Variants in ERBB4 observed in about 807,000 individuals in gnomAD.
ERBB4 encodes erb-b2 receptor tyrosine kinase 4, also known as receptor tyrosine-protein kinase erbB-4.
In ERBB4, 42 loss-of-function variants were observed where a neutral mutation model predicts 158.0. The observed-to-expected ratio is 0.27, with a 90% CI of 0.21 to 0.34. ERBB4 has a LOEUF of 0.34. ERBB4 is among the 10% of genes least tolerant of loss of function. ERBB4 has a pLI of 1.00. For missense variants in ERBB4, 1,333 were observed against 1,624.1 expected, an observed-to-expected ratio of 0.82 and a Z score of 3.08; for synonymous variants, 583 against 558.7, an observed-to-expected ratio of 1.04 and a Z score of -0.61.
chr2:212,213,990 C>A (rs376097175), intron 1 of ERBB4, among the ~76,000 whole-genome samples: 1 of 151,778 alleles, frequency 6.6e-6, no homozygotes, highest in Non-Finnish European at 1.5e-5. Context: ...ATCACCAAGC[C>A]GTGCAAGGAC....
intron 1 of ERBB4, among the ~76,000 whole-genome samples, chr2:212,418,587 C>T (rs957036810): frequency 6.6e-6 from 1 of 150,664 alleles, no homozygotes; most frequent in Non-Finnish European, 1.5e-5. Context: ...TGCTTTAGTT[C>T]CCTTGAATCA....
intron 1 of ERBB4, among the ~76,000 whole-genome samples, chr2:212,483,765 C>G (rs1406951721): frequency 6.6e-6 from 1 of 152,070 alleles, no homozygotes; most frequent in Non-Finnish European, 1.5e-5. Flanking sequence ...GAGACTGAGT[C>G]TTGCTCTATT....
At chr2:212,057,616 A>G (rs1218479345) in intron 2 of ERBB4, among the ~76,000 whole-genome samples, 4 of 152,240 alleles carry the variant, frequency 2.6e-5, no homozygotes, top group Admixed American at 1.3e-4. Flanking sequence ...AGAACTCAGG[A>G]TTAAGAAACT....
intron 7 of ERBB4, among the ~76,000 whole-genome samples, chr2:211,718,813 T>C (rs1432274594): frequency 6.6e-6 from 1 of 152,012 alleles, no homozygotes. Context: ...ATGACCAGAA[T>C]ACCTCCATCA....
chr2:211,444,659 T>C (rs1348852190), intron 20 of ERBB4, among the ~76,000 whole-genome samples: 1 of 152,102 alleles, frequency 6.6e-6, no homozygotes, highest in Non-Finnish European at 1.5e-5. Context: ...ATATACACTG[T>C]GTATACAACT....
At chr2:211,674,361 T>C (rs1028446425) in intron 13 of ERBB4, among the ~76,000 whole-genome samples, 1 of 152,110 alleles carries the variant, frequency 6.6e-6, no homozygotes, top group Non-Finnish European at 1.5e-5. Flanking sequence ...TTGAATACTG[T>C]AAAGCCTTAA....
At chr2:211,673,388 C>A in intron 13 of ERBB4, 131 bp from the exon 14 acceptor site, 1 of 713,526 alleles carries the variant, frequency 1.4e-6, no homozygotes, top group Non-Finnish European at 2.5e-6. Context: ...CCAGGAGCAT[C>A]AGAAACATTA....
intron 20 of ERBB4, among the ~76,000 whole-genome samples, chr2:211,559,782 C>A (rs1317165930): frequency 6.6e-6 from 1 of 152,152 alleles, no homozygotes; most frequent in Non-Finnish European, 1.5e-5. Flanking sequence ...CCTCAGTCAA[C>A]ATCGTATCTG....
intron 1 of ERBB4, among the ~76,000 whole-genome samples, chr2:212,296,519 T>C (rs889136453): frequency 2.6e-5 from 4 of 152,018 alleles, no homozygotes; most frequent in Non-Finnish European, 4.4e-5. Flanking sequence ...AATTAATATA[T>C]TCAAGATAAC....
At chr2:212,504,280 T>TTTAA (rs200481510) in intron 1 of ERBB4, among the ~76,000 whole-genome samples, 1,890 of 124,246 alleles carry the variant, frequency 0.015, 40 homozygotes, top group African/African-American at 0.045. Context: ...TAGCTGCATT[T>TTTAA]TTATTTATTT....
At chr2:211,872,401 T>C (rs187537646) in intron 3 of ERBB4, among the ~76,000 whole-genome samples, 68 of 152,304 alleles carry the variant, frequency 4.5e-4, no homozygotes, top group Admixed American at 8.5e-4. Context: ...CCTATGCAAA[T>C]GTCAGCAAAA....
At chr2:212,306,871 T>C (rs2086831134) in intron 1 of ERBB4, among the ~76,000 whole-genome samples, 1 of 151,026 alleles carries the variant, frequency 6.6e-6, no homozygotes, top group Admixed American at 6.6e-5. Context: ...TAAAAACCAA[T>C]TAAAATTACT....
At chr2:212,337,432 C>T (rs113853722) in intron 1 of ERBB4, among the ~76,000 whole-genome samples, 8,470 of 152,058 alleles carry the variant, frequency 0.056, 789 homozygotes, top group African/African-American at 0.19. Flanking sequence ...TTTATTTGTA[C>T]TTTCTATGCA....
rs563378178 is a variant in ERBB4, at chr2:211,935,508, C to A, written c.421+11922G>T. Among the ~76,000 whole-genome samples, 118 of 152,250 alleles carry A rather than the reference C, an allele frequency of 7.8e-4. 1 individual carries two copies. Among genetic ancestry groups the A allele is most frequent in the Middle Eastern group, 3.4e-3 (1 of 294 alleles). On this transcript the variant is annotated intron_variant, in intron 3 of 27. Coordinates refer to ENST00000342788, the MANE Select transcript of ERBB4 (RefSeq NM_005235.3). The stretch of plus-strand genomic sequence containing the variant: ...TTCAGGCTCCCTGGTCTTTGGACTG[C>A]AGGACTTAGAACAGTGGCTCCCTGC...
chr2:212,501,341 A>G (rs114239521), intron 1 of ERBB4, among the ~76,000 whole-genome samples: 1,901 of 152,258 alleles, frequency 0.012, 42 homozygotes, highest in African/African-American at 0.043. Flanking sequence ...TGTGAAATGT[A>G]TAACAGAATT....
At chr2:211,768,159 T>G (rs1203105338) in intron 4 of ERBB4, among the ~76,000 whole-genome samples, 1 of 152,166 alleles carries the variant, frequency 6.6e-6, no homozygotes, top group Non-Finnish European at 1.5e-5. Flanking sequence ...CCATTAAAAC[T>G]CTGTAATGAT....
intron 1 of ERBB4, among the ~76,000 whole-genome samples, chr2:212,534,100 A>G (rs1295558609): frequency 2.0e-5 from 3 of 152,226 alleles, no homozygotes; most frequent in South Asian, 2.1e-4. Context: ...GCAGAACACT[A>G]TAATATAAAG....
chr2:212,519,365 T>C (rs1692020466), intron 1 of ERBB4, among the ~76,000 whole-genome samples: 1 of 152,034 alleles, frequency 6.6e-6, no homozygotes, highest in South Asian at 2.1e-4. Context: ...ATATACAATT[T>C]CCCAATTATC....
intron 20 of ERBB4, among the ~76,000 whole-genome samples, chr2:211,546,662 GT>G (rs2125693743): frequency 6.6e-6 from 1 of 152,180 alleles, no homozygotes; most frequent in African/African-American, 2.4e-5. Context: ...AATACTACCT[GT>G]TTGGTGTTGC....
Sources: allele counts gnomAD v4.1 joint callset (sites outside exome capture counted in the v4.1 genomes callset), GRCh38; gene constraint gnomAD v4.1.1; transcripts MANE v1.5; gene names NCBI Gene and HGNC (gene_info 2026-07-23, HGNC 2026-07-21).